Variants in ECD observed in about 807,000 individuals in gnomAD.
ECD encodes protein ecdysoneless homolog.
A neutral mutation model predicts 77.2 loss-of-function variants in ECD; 59 were observed. The ratio of observed to expected loss-of-function variants is 0.76; its 90% CI spans 0.62 to 0.95. The LOEUF (loss-of-function observed/expected upper bound fraction) is 0.95, where lower values mean the gene tolerates loss of function less well. ECD is among the 40% of genes least tolerant of loss of function. ECD has a pLI of 0.00. For synonymous variants in ECD, 233 were observed against 267.4 expected (o/e 0.87, Z 1.26); for missense variants, 704 against 763.4 (o/e 0.92, Z 0.92).
At chr10:73,155,864 A>G (rs1415019779) in intron 5 of ECD, among the ~76,000 whole-genome samples, 3 of 152,058 alleles carry the variant, frequency 2.0e-5, no homozygotes, top group Non-Finnish European at 2.9e-5. Context: ...TCAGCCTCCC[A>G]AAGTGCTGGG....
intron 7 of ECD, 64 bp downstream of exon 7, chr10:73,152,229 C>T (rs908519465): frequency 1.3e-6 from 2 of 1,554,474 alleles, no homozygotes; most frequent in African/African-American, 1.4e-5. Flanking sequence ...TATATTGTGC[C>T]ACTATTCTAT....
intron 7 of ECD, 42 bp downstream of exon 7, chr10:73,152,251 T>C: frequency 1.2e-6 from 2 of 1,600,034 alleles, no homozygotes; most frequent in Non-Finnish European, 1.7e-6. Flanking sequence ...AAGAGTCCAT[T>C]TACATAAAGA....
Position 73,139,448 on chromosome 10 carries a change from G to T in ECD, c.1282C>A (p.Gln428Lys). Reference sequence around the variant, plus strand: ...GATTCTTTTTTGCCAACAGCTTCCTGCAGCAGCTGGTCCAGCTGATCTGGT... The same window carrying T: ...GATTCTTTTTTGCCAACAGCTTCCTTCAGCAGCTGGTCCAGCTGATCTGGT... ...LSPDQLDQLLQEAVGKKESES... is the reference protein window; with the variant it reads ...LSPDQLDQLLKEAVGKKESES... The change falls in exon 11 of 14, where the codon CAG (glutamine) becomes AAG (lysine). Residue 428 changes from glutamine (Q) to lysine (K), a missense_variant. This residue lies in a region of ECD where 559 missense variants were observed against 583.7 expected (regional missense o/e 0.96). Transcript: ENST00000372979. 1 of 1,614,104 alleles carries T rather than the reference G, an allele frequency of 6.2e-7. No individual in the cohort carries two copies. The highest frequency in any genetic ancestry group is 1.1e-5 in the South Asian group (1 of 91,088).
intron 7 of ECD, among the ~76,000 whole-genome samples, chr10:73,150,465 C>T (rs1843187721): frequency 6.6e-6 from 1 of 152,132 alleles, no homozygotes; most frequent in Non-Finnish European, 1.5e-5. Context: ...TAGGCATGGG[C>T]AAGGACTTCA....
At chr10:73,165,782 C>T (rs1216853877) in intron 1 of ECD, among the ~76,000 whole-genome samples, 1 of 149,868 alleles carries the variant, frequency 6.7e-6, no homozygotes, top group Non-Finnish European at 1.5e-5. Flanking sequence ...TCTAATTATA[C>T]TCTTTTAGTT....
At chr10:73,162,744 T>C (rs1402639867) in intron 2 of ECD, among the ~76,000 whole-genome samples, 1 of 152,182 alleles carries the variant, frequency 6.6e-6, no homozygotes, top group Non-Finnish European at 1.5e-5. Flanking sequence ...CACCTACCCA[T>C]GATTTATTTT....
chr10:73,163,564 A>G (rs75250682), intron 2 of ECD, among the ~76,000 whole-genome samples, 169 bp downstream of exon 2: 1 of 151,894 alleles, frequency 6.6e-6, no homozygotes, highest in Non-Finnish European at 1.5e-5. Flanking sequence ...GATTTTTTTT[A>G]AAAAAAAGCT....
intron 8 of ECD, 68 bp from the exon 9 acceptor site, chr10:73,146,429 G>C: frequency 9.2e-7 from 1 of 1,084,894 alleles, no homozygotes; most frequent in Non-Finnish European, 1.3e-6. Flanking sequence ...GTGTTCACCA[G>C]CAACTTTCAG....
chr10:73,148,227 G>C, intron 8 of ECD, 49 bp downstream of exon 8: 1 of 1,597,798 alleles, frequency 6.3e-7, no homozygotes, highest in Non-Finnish European at 8.5e-7. Context: ...TCGCTGGCTT[G>C]ATTTTCCCTG....
chr10:73,137,311 G>A (rs527809824), intron 12 of ECD, among the ~76,000 whole-genome samples: 2 of 152,028 alleles, frequency 1.3e-5, no homozygotes, highest in African/African-American at 4.8e-5. Flanking sequence ...AGCAGTTTCC[G>A]GGTATCCCAA....
At chr10:73,162,245 T>G (rs183606088) in intron 2 of ECD, among the ~76,000 whole-genome samples, 1 of 152,170 alleles carries the variant, frequency 6.6e-6, no homozygotes, top group East Asian at 1.9e-4. Flanking sequence ...GTTTTCCAGA[T>G]GTAGAGATAA....
chr10:73,154,240 A>G lies in ECD; in HGVS notation c.783+16T>C, dbSNP rs1456982569. The G allele has an allele frequency of 6.4e-7, 1 of 1,568,146 alleles. No individual in the cohort carries two copies. The highest frequency in any genetic ancestry group is 8.6e-7 in the Non-Finnish European group (1 of 1,157,616). On this transcript the variant is annotated intron_variant, in intron 6 of 13. Coordinates refer to ENST00000372979, the MANE Select transcript of ECD (RefSeq NM_007265.3). Reference sequence around the variant, plus strand: ...TTCCAGTAAGAGAAACTAAATGACCAAGATAGAAATCTCACCGATGTCATT... The same window carrying G: ...TTCCAGTAAGAGAAACTAAATGACCGAGATAGAAATCTCACCGATGTCATT...
intron 2 of ECD, among the ~76,000 whole-genome samples, chr10:73,162,172 C>A (rs898286452): frequency 6.6e-6 from 1 of 152,132 alleles, no homozygotes; most frequent in Admixed American, 6.5e-5. Context: ...ACAAACATAA[C>A]CAGCAACAGT....
intron 1 of ECD, among the ~76,000 whole-genome samples, chr10:73,166,853 CTGTT>C (rs1278372453): frequency 6.6e-6 from 1 of 152,146 alleles, no homozygotes; most frequent in African/African-American, 2.4e-5. Context: ...TTGGCTGCCT[CTGTT>C]TGTGAGGTAT....
intron 5 of ECD, among the ~76,000 whole-genome samples, chr10:73,155,430 AATGG>A (rs1269799988): frequency 6.6e-6 from 1 of 151,096 alleles, no homozygotes; most frequent in Non-Finnish European, 1.5e-5. Flanking sequence ...CCCAAATTTG[AATGG>A]ATGAACGAAT....
intron 1 of ECD, 71 bp from the exon 2 acceptor site, chr10:73,164,021 G>C: frequency 7.5e-7 from 1 of 1,332,584 alleles, no homozygotes; most frequent in Non-Finnish European, 1.1e-6. Context: ...CTTTTAGATG[G>C]TTCTATGAAC....
chr10:73,134,183 T>TA lies in ECD; in HGVS notation c.*399dup, dbSNP rs1259904211. On this transcript the variant is annotated 3_prime_UTR_variant, in exon 14 of 14. Coordinates refer to ENST00000372979, the MANE Select transcript of ECD (RefSeq NM_007265.3). ...TAACCATATGCATGTTATGCCTCAT[T>TA]AAAAAAATTGAAAAAGTGAATGAGT... The TA allele has an allele frequency of 9.2e-5, 16 of 173,076 alleles. No individual in the cohort carries two copies. Among genetic ancestry groups the TA allele is most frequent in the African/African-American group, 2.9e-4 (12 of 41,978 alleles). The allele number at this position is 173,076 out of a possible 1,614,324, so 10.7% of individuals were successfully genotyped here.
At chr10:73,166,002 T>C (rs890656656) in intron 1 of ECD, among the ~76,000 whole-genome samples, 1 of 152,172 alleles carries the variant, frequency 6.6e-6, no homozygotes, top group African/African-American at 2.4e-5. Flanking sequence ...ACCATCCTTC[T>C]ACTTGCTATC....
At chr10:73,138,149 T>C (rs1287989506) in intron 11 of ECD, 79 bp from the exon 12 acceptor site, 1 of 1,036,348 alleles carries the variant, frequency 9.6e-7, no homozygotes, top group East Asian at 3.2e-5. Flanking sequence ...GTGCCATTCT[T>C]AGGAAAGCTA....
Sources: allele counts gnomAD v4.1 joint callset (sites outside exome capture counted in the v4.1 genomes callset), GRCh38; gene constraint gnomAD v4.1.1; regional missense constraint gnomAD v4.1.1; transcripts MANE v1.5; gene names NCBI Gene and HGNC (gene_info 2026-07-23, HGNC 2026-07-21).